Variants in RELN observed in about 807,000 individuals in gnomAD.
RELN encodes the protein reelin.
In RELN, 108 loss-of-function variants were observed where a neutral mutation model predicts 427.6. The ratio of observed to expected loss-of-function variants is 0.25; its 90% CI spans 0.22 to 0.30. The LOEUF is 0.30. RELN is among the 10% of genes least tolerant of loss of function. RELN has a pLI of 1.00. For synonymous variants in RELN, 1,524 were observed against 1,513.4 expected, an observed-to-expected ratio of 1.01 and a Z score of -0.16; for missense variants, 3,715 against 4,302.8, an observed-to-expected ratio of 0.86 and a Z score of 3.82.
At chr7:103,907,164 T>A (rs184145586) in intron 2 of RELN, among the ~76,000 whole-genome samples, 3 of 151,860 alleles carry the variant, frequency 2.0e-5, no homozygotes, top group Admixed American at 2.0e-4. Context: ...ATGCATGTAA[T>A]CCCAACACCT....
intron 15 of RELN, 77 bp from the exon 16 acceptor site, chr7:103,650,460 T>C (rs887019004): frequency 1.1e-6 from 1 of 927,060 alleles, no homozygotes; most frequent in East Asian, 2.4e-5. Flanking sequence ...GGTTTTCATG[T>C]TCTAGCTTCT....
intron 1 of RELN, among the ~76,000 whole-genome samples, chr7:103,939,188 A>G (rs1796056668): frequency 6.6e-6 from 1 of 152,166 alleles, no homozygotes; most frequent in Non-Finnish European, 1.5e-5. Context: ...ACCTCAGGTG[A>G]TCGGCCCACC....
intron 3 of RELN, among the ~76,000 whole-genome samples, chr7:103,812,736 G>A (rs1349826974): frequency 6.6e-6 from 1 of 152,166 alleles, no homozygotes; most frequent in African/African-American, 2.4e-5. Context: ...TCAGCAAAGA[G>A]TGTTTATCTG....
At position 103,982,121 on chromosome 7, in the gene RELN, G is replaced by T. The variant is rs1268186552; in HGVS notation, c.226+7010C>A. Among the ~76,000 whole-genome samples, 7 of 152,068 alleles carry T rather than the reference G, an allele frequency of 4.6e-5. No homozygotes were observed. The East Asian group carries it at 1.4e-3, about 29-fold the overall frequency. The stretch of plus-strand genomic sequence containing the variant: ...GTGGAGGTTACAGTGAGCCGAAAAG[G>T]TGTCACTGCACTCCAGCCTGGGCGA... On this transcript the variant is annotated intron_variant, in intron 1 of 64. Transcript: ENST00000428762.
At chr7:103,773,195 CTT>C (rs1276681801) in intron 4 of RELN, among the ~76,000 whole-genome samples, 1 of 128,580 alleles carries the variant, frequency 7.8e-6, no homozygotes, top group Admixed American at 7.7e-5. Flanking sequence ...TCTTTTCTTT[CTT>C]TCTCTCTCTC....
chr7:103,798,918 C>T (rs1792376651), intron 3 of RELN, among the ~76,000 whole-genome samples: 1 of 152,200 alleles, frequency 6.6e-6, no homozygotes, highest in South Asian at 2.1e-4. Context: ...TGTCACTGGG[C>T]TCCAACCAAG....
chr7:103,567,610 C>T (rs1049924373), intron 31 of RELN, among the ~76,000 whole-genome samples: 9 of 152,040 alleles, frequency 5.9e-5, no homozygotes, highest in South Asian at 2.1e-4. Context: ...CCTTTATACC[C>T]GCTTCTTTGG....
chr7:103,483,570 A>G (rs1300148085), intron 62 of RELN, 83 bp downstream of exon 62: 1 of 1,449,084 alleles, frequency 6.9e-7, no homozygotes, highest in African/African-American at 1.4e-5. Flanking sequence ...ACTTTACCCA[A>G]CTTCTACCTC....
chr7:103,928,389 A>T (rs1053744406), intron 1 of RELN, among the ~76,000 whole-genome samples: 1 of 152,232 alleles, frequency 6.6e-6, no homozygotes, highest in African/African-American at 2.4e-5. Flanking sequence ...TTTAAAATTC[A>T]GACTCCCAGT....
At chr7:103,675,307 A>C (rs899567287) in intron 11 of RELN, among the ~76,000 whole-genome samples, 13 of 152,222 alleles carry the variant, frequency 8.5e-5, no homozygotes, top group Admixed American at 1.3e-4. Flanking sequence ...AGAGAATAAA[A>C]TACCTAGGAA....
intron 51 of RELN, among the ~76,000 whole-genome samples, chr7:103,506,341 A>G (rs1042215927): frequency 6.6e-6 from 1 of 152,250 alleles, no homozygotes; most frequent in Non-Finnish European, 1.5e-5. Flanking sequence ...AGGGAAGCCC[A>G]TCAGACTAAC....
chr7:103,635,978 C>T (rs1262841080), intron 18 of RELN, among the ~76,000 whole-genome samples: 1 of 152,080 alleles, frequency 6.6e-6, no homozygotes, highest in Admixed American at 6.5e-5. Context: ...TAGCTCTTGG[C>T]TTAAGAACAT....
At chr7:103,632,214 C>T (rs1453691177) in intron 19 of RELN, among the ~76,000 whole-genome samples, 1 of 152,190 alleles carries the variant, frequency 6.6e-6, no homozygotes, top group African/African-American at 2.4e-5. Context: ...GATTTTGTAA[C>T]TGTAGATAAA....
intron 1 of RELN, among the ~76,000 whole-genome samples, chr7:103,970,008 A>C (rs1307978856): frequency 6.6e-6 from 1 of 152,214 alleles, no homozygotes; most frequent in African/African-American, 2.4e-5. Context: ...ACTCACAGTC[A>C]TTTGAAGACA....
At chr7:103,483,099 G>C in intron 62 of RELN, 128 bp from the exon 63 acceptor site, 4 of 779,128 alleles carry the variant, frequency 5.1e-6, no homozygotes, top group Non-Finnish European at 8.8e-6. Flanking sequence ...ATGGAATTCA[G>C]ATTTGCTTAG....
At chr7:103,598,713 G>C (rs1226657933) in intron 24 of RELN, among the ~76,000 whole-genome samples, 1 of 152,180 alleles carries the variant, frequency 6.6e-6, no homozygotes, top group Non-Finnish European at 1.5e-5. Context: ...GTTTGGCACT[G>C]AAAGTGTTTT....
At chr7:103,877,721 C>G (rs1794512182) in intron 2 of RELN, among the ~76,000 whole-genome samples, 1 of 152,102 alleles carries the variant, frequency 6.6e-6, no homozygotes, top group Admixed American at 6.6e-5. Context: ...ACTCCATCTT[C>G]CATCTCTTCT....
chr7:103,913,636 G>A (rs1795418129), intron 2 of RELN, among the ~76,000 whole-genome samples: 2 of 151,854 alleles, frequency 1.3e-5, no homozygotes, highest in Admixed American at 6.6e-5. Flanking sequence ...GTTTAATTTT[G>A]TTTTTAACTT....
chr7:103,927,011 A>G (rs947722667), intron 1 of RELN, among the ~76,000 whole-genome samples: 6 of 152,336 alleles, frequency 3.9e-5, no homozygotes, highest in African/African-American at 1.4e-4. Context: ...ATTTCAATAT[A>G]CTAAAACTAA....
Sources: allele counts gnomAD v4.1 joint callset (sites outside exome capture counted in the v4.1 genomes callset), GRCh38; gene constraint gnomAD v4.1.1; transcripts MANE v1.5; gene names NCBI Gene and HGNC (gene_info 2026-07-23, HGNC 2026-07-21).